The following KIF14 variants were observed in gnomAD, a reference collection of about 807,000 sequenced individuals.
KIF14 encodes the protein kinesin family member 14.
In KIF14, 98 loss-of-function variants were observed where a neutral mutation model predicts 176.2. The ratio of observed to expected loss-of-function variants is 0.56; its 90% confidence interval spans 0.47 to 0.66. The LOEUF (loss-of-function observed/expected upper bound fraction) is 0.66, where lower values mean the gene tolerates loss of function less well. KIF14 is among the 30% of genes least tolerant of loss of function. The probability of loss-of-function intolerance (pLI) is 0.00; values close to 1 mark genes in which losing one functional copy is unlikely to be tolerated. For synonymous variants in KIF14, 566 were observed against 632.2 expected (o/e 0.90, Z 1.57); for missense variants, 1,751 against 1,920.4 (o/e 0.91, Z 1.65).
Position 200,589,351 on chromosome 1 carries a change from T to C in KIF14, c.2980A>G (p.Lys994Glu), listed in dbSNP as rs769808263. 6 of 1,608,984 alleles carry C rather than the reference T, an allele frequency of 3.7e-6. No homozygotes were observed. Among genetic ancestry groups the C allele is most frequent in the Middle Eastern group, 1.7e-4 (1 of 6,050 alleles). ...TGGTTATTTATTTCCTGCATTTTTTTCCTTTGAGACTCTTCTCTCTTTAAA... is the reference window on the plus strand; with the variant it reads ...TGGTTATTTATTTCCTGCATTTTTTCCCTTTGAGACTCTTCTCTCTTTAAA... Reference protein sequence around the residue: ...EAELREESQRKKMQEINNQKA... With the variant: ...EAELREESQREKMQEINNQKA... Residue 994 changes from lysine (K) to glutamate (E), a missense_variant, in exon 18 of 30, where the codon AAA becomes GAA. Lys to Glu is a moderately conservative substitution (Grantham distance 56, BLOSUM62 1). Coordinates refer to ENST00000367350, the MANE Select transcript of KIF14 (RefSeq NM_014875.3).
At chr1:200,587,923 A>G (rs1238801706) in intron 18 of KIF14, among the ~76,000 whole-genome samples, 2 of 152,208 alleles carry the variant, frequency 1.3e-5, no homozygotes, top group Non-Finnish European at 1.5e-5. Flanking sequence ...CTTTGTGTCC[A>G]GGAGTTGACT....
At chr1:200,573,237 A>C (rs1657909267) in intron 22 of KIF14, among the ~76,000 whole-genome samples, 1 of 152,094 alleles carries the variant, frequency 6.6e-6, no homozygotes, top group East Asian at 1.9e-4. Context: ...ATCCCTGTAA[A>C]GTAGGTATAT....
chr1:200,611,772 C>A (rs1660166568), intron 4 of KIF14, among the ~76,000 whole-genome samples: 4 of 152,180 alleles, frequency 2.6e-5, no homozygotes, highest in Admixed American at 2.6e-4. Flanking sequence ...GTTGATATAA[C>A]CACATTTAGT....
intron 3 of KIF14, among the ~76,000 whole-genome samples, chr1:200,615,019 G>T (rs7512848): frequency 0.54 from 82,505 of 151,844 alleles, 22,941 homozygotes; most frequent in East Asian, 0.69. Context: ...CTACAGGTGT[G>T]TGCCATCACA....
intron 18 of KIF14, 51 bp from the exon 19 acceptor site, chr1:200,586,278 GA>G: frequency 6.9e-7 from 1 of 1,444,808 alleles, no homozygotes; most frequent in Non-Finnish European, 9.3e-7. Context: ...TGCAAAGAGA[GA>G]AACTATAACA....
At chr1:200,608,547 G>A (rs1172348597) in intron 5 of KIF14, among the ~76,000 whole-genome samples, 1 of 152,036 alleles carries the variant, frequency 6.6e-6, no homozygotes, top group Non-Finnish European at 1.5e-5. Flanking sequence ...TATTTTAGTA[G>A]AGACAGGGTT....
intron 25 of KIF14, among the ~76,000 whole-genome samples, chr1:200,561,568 A>G (rs12130409): frequency 5.8e-5 from 7 of 120,838 alleles, no homozygotes; most frequent in Non-Finnish European, 1.0e-4. Flanking sequence ...AAGAGAAGAA[A>G]AAAAAAAAAA....
At chr1:200,618,911 T>C (rs969545677) in intron 1 of KIF14, 73 bp from the exon 2 acceptor site, 7 of 529,982 alleles carry the variant, frequency 1.3e-5, no homozygotes, top group African/African-American at 7.6e-5. Flanking sequence ...GAACATCCCA[T>C]TGTGTAAGTA....
chr1:200,582,806 C>T (rs75429196), intron 19 of KIF14, among the ~76,000 whole-genome samples: 3,546 of 151,012 alleles, frequency 0.023, 50 homozygotes, highest in Non-Finnish European at 0.035. Context: ...GCTGAGATTG[C>T]GCTACTGCAC....
Position 200,581,188 on chromosome 1 carries a change from A to G in KIF14, c.3335+13T>C. 1 of 1,463,970 alleles carries G rather than the reference A, an allele frequency of 6.8e-7. No individual in the cohort carries two copies. The highest frequency in any genetic ancestry group is 1.2e-5 in the South Asian group (1 of 82,482). 90.7% of individuals were successfully genotyped at this position (1,463,970 alleles called of 1,614,324 possible). A position where few individuals can be genotyped will look rare whatever the true frequency, so the allele number is the denominator to read the frequency against. On this transcript the variant is annotated intron_variant, in intron 20 of 29. Coordinates refer to ENST00000367350, the MANE Select transcript of KIF14 (RefSeq NM_014875.3). ...GTTTAAAACATTTAAAATCAGGATA[A>G]TTAATTACTCACCTGCCAAAAACAT...
intron 16 of KIF14, 69 bp from the exon 17 acceptor site, chr1:200,590,341 C>A: frequency 1.5e-6 from 2 of 1,323,686 alleles, no homozygotes; most frequent in Non-Finnish European, 1.0e-6. Flanking sequence ...AGTTCTTAAT[C>A]CTACTGAAAA....
intron 8 of KIF14, among the ~76,000 whole-genome samples, chr1:200,604,544 A>G (rs767089381): frequency 1.6e-4 from 24 of 152,242 alleles, no homozygotes; most frequent in Admixed American, 6.5e-5. Flanking sequence ...AAATAAAGAA[A>G]AAGTTTAATG....
At chr1:200,574,810 C>CAT (rs1328564841) in intron 22 of KIF14, among the ~76,000 whole-genome samples, 1 of 152,012 alleles carries the variant, frequency 6.6e-6, no homozygotes, top group African/African-American at 2.4e-5. Context: ...CAACATTTGT[C>CAT]ATATATAGAA....
chr1:200,619,205 A>C (rs1427213645), intron 1 of KIF14, among the ~76,000 whole-genome samples: 3 of 152,208 alleles, frequency 2.0e-5, no homozygotes, highest in African/African-American at 7.2e-5. Flanking sequence ...ATAGATTTTC[A>C]AGTACTTCCA....
chr1:200,600,246 T>A, intron 12 of KIF14, 110 bp downstream of exon 12: 2 of 1,270,832 alleles, frequency 1.6e-6, no homozygotes, highest in South Asian at 2.5e-5. Flanking sequence ...AGTGGGCTGC[T>A]CTATTCATAA....
At position 200,618,811 on chromosome 1, in the gene KIF14, G is replaced by T; in HGVS notation, c.-88C>A. The T allele has an allele frequency of 9.0e-7, 1 of 1,107,604 alleles. No individual in the cohort carries two copies. Among genetic ancestry groups the T allele is most frequent in the Non-Finnish European group, 1.3e-6 (1 of 782,288 alleles). 68.6% of individuals were successfully genotyped at this position (1,107,604 alleles called of 1,614,324 possible). On this transcript the variant is annotated 5_prime_UTR_variant, in exon 2 of 30. Coordinates refer to ENST00000367350, the MANE Select transcript of KIF14 (RefSeq NM_014875.3). ...CATTTGATTTCCAGCCATTTCTTATGTATCCATTTCTGAAAGTATCTGCTA... is the reference window on the plus strand; with the variant it reads ...CATTTGATTTCCAGCCATTTCTTATTTATCCATTTCTGAAAGTATCTGCTA...
At chr1:200,574,546 A>G (rs997458443) in intron 22 of KIF14, among the ~76,000 whole-genome samples, 3 of 152,154 alleles carry the variant, frequency 2.0e-5, no homozygotes, top group African/African-American at 7.2e-5. Context: ...ACTTTCCTCA[A>G]TTCCTGGTCT....
intron 23 of KIF14, among the ~76,000 whole-genome samples, chr1:200,566,374 C>T (rs1453482142): frequency 2.6e-5 from 4 of 151,378 alleles, no homozygotes; most frequent in South Asian, 2.1e-4. Flanking sequence ...AGGCAGATCA[C>T]GAGGTCAGGA....
rs1441427881 is a variant in KIF14 at position 200,575,616 on chromosome 1, G to A, written c.3541C>T (p.Pro1181Ser). 3.8e-6 allele frequency: 6 copies of A among 1,583,158 alleles called. No individual in the cohort carries two copies. The highest frequency in any genetic ancestry group is 2.2e-5 in the East Asian group (1 of 44,528). Residue 1181 changes from proline (P) to serine (S), a missense_variant, in exon 22 of 30, where the codon CCA becomes TCA. Physicochemically the swap from Pro to Ser is moderately conservative, Grantham distance 74. Transcript: ENST00000367350. ...CTCCTTCTAGAAAGTGAAGAAACTG[G>A]TGCATCTGTAATGTCGGGTTCCCAT... The part of the protein sequence containing the change: ...DEWEPDITDA[P>S]VSSLSRRRSR...
Sources: gnomAD v4.1 joint callset for allele counts (sites outside exome capture counted in the v4.1 genomes callset) on GRCh38, gnomAD v4.1.1 for gene constraint, MANE v1.5 for transcripts, NCBI Gene and HGNC (gene_info 2026-07-23, HGNC 2026-07-21) for gene names.